LIN7A: variants seen among roughly 807,000 people sequenced by gnomAD.
LIN7A encodes the protein protein lin-7 homolog A.
A neutral mutation model predicts 29.8 loss-of-function variants in LIN7A; 25 were observed. The ratio of observed to expected loss-of-function variants is 0.84; its 90% confidence interval spans 0.61 to 1.17. LIN7A has a LOEUF of 1.17. Among genes scored for constraint, LIN7A ranks in the 50% most tolerant of loss-of-function variants. LIN7A has a pLI of 0.00. For synonymous variants in LIN7A, 118 were observed against 107.5 expected (o/e 1.10, Z -0.60); for missense variants, 239 against 287.0 (o/e 0.83, Z 1.21).
At chr12:80,842,075 C>A (rs1428947038) in intron 4 of LIN7A, 8 of 1,286,652 alleles carry the variant, frequency 6.2e-6, no homozygotes, top group Non-Finnish European at 8.1e-6. Context: ...AATTTTCTCT[C>A]CCAATGATTG....
rs1871273396 is a variant in LIN7A, at chr12:80,811,329, CTA to C, written c.*134_*135del. On this transcript the variant is annotated intron_variant, in intron 5 of 5. Transcript: ENST00000552864. ...TTGATTTTGTTTGGATTATTTAAAT[CTA>C]ATGATTTTGTTTCAGCTAAGAAAAT... The C allele has an allele frequency of 1.1e-5, 5 of 459,362 alleles. No homozygotes were observed. In the Admixed American group the frequency reaches 1.9e-4, roughly 17 times the overall value. 28.5% of individuals were successfully genotyped at this position (459,362 alleles called of 1,614,324 possible). A position where few individuals can be genotyped will look rare whatever the true frequency, so the allele number is the denominator to read the frequency against.
intron 4 of LIN7A, among the ~76,000 whole-genome samples, chr12:80,840,362 A>G (rs1395210399): frequency 1.3e-5 from 2 of 152,232 alleles, no homozygotes; most frequent in Non-Finnish European, 2.9e-5. Context: ...AGCATCAGTT[A>G]TGATTGCAGT....
At chr12:80,935,746 C>G in intron 1 of LIN7A, 1 of 487,426 alleles carries the variant, frequency 2.1e-6, no homozygotes, top group Non-Finnish European at 4.5e-6. Flanking sequence ...TCAGACTCAT[C>G]CACAGGGTAA....
At chr12:80,870,331 T>A (rs1397672086) in intron 2 of LIN7A, among the ~76,000 whole-genome samples, 1 of 152,176 alleles carries the variant, frequency 6.6e-6, no homozygotes, top group Non-Finnish European at 1.5e-5. Context: ...AAAGTGTGGA[T>A]TAAATAATAT....
At chr12:80,798,676 AT>A (rs913050329) in intron 5 of LIN7A, among the ~76,000 whole-genome samples, 6 of 151,040 alleles carry the variant, frequency 4.0e-5, no homozygotes, top group East Asian at 1.9e-4. Flanking sequence ...AGAGTTTCAC[AT>A]TTTTTTTTCA....
At chr12:80,798,601 T>C (rs145915893) in intron 5 of LIN7A, among the ~76,000 whole-genome samples, 2,100 of 152,322 alleles carry the variant, frequency 0.014, 34 homozygotes, top group African/African-American at 0.044. Context: ...ATCATCATTC[T>C]GACTACTACT....
At chr12:80,848,854 G>A (rs995594755) in intron 2 of LIN7A, among the ~76,000 whole-genome samples, 1 of 152,118 alleles carries the variant, frequency 6.6e-6, no homozygotes, top group Non-Finnish European at 1.5e-5. Context: ...AACTGCAATC[G>A]AAGGTTGAAA....
Position 80,807,073 on chromosome 12 carries a change from T to TTTTTTTTTTTTTTG in LIN7A, c.*4391_*4392insCAAAAAAAAAAAAA, listed in dbSNP as rs1555221352. Among the ~76,000 whole-genome samples, 189 of 52,636 alleles carry TTTTTTTTTTTTTTG rather than the reference T, an allele frequency of 3.6e-3. 11 individuals are homozygous for TTTTTTTTTTTTTTG. Among genetic ancestry groups the TTTTTTTTTTTTTTG allele is most frequent in the Middle Eastern group, 8.2e-3 (1 of 122 alleles). 34.5% of individuals were successfully genotyped at this position (52,636 alleles called of 152,430 possible). A position where few individuals can be genotyped will look rare whatever the true frequency, so the allele number is the denominator to read the frequency against. On this transcript the variant is annotated intron_variant, in intron 5 of 5. Transcript: ENST00000552864. ...TTTAATGAAGATGGAGTTTTTTTTT[T>TTTTTTTTTTTTTTG]TTTTTTTTTTTTTTTTTTGACGGAG...
chr12:80,815,088 G>A (rs1014531451), intron 4 of LIN7A, among the ~76,000 whole-genome samples: 13 of 148,744 alleles, frequency 8.7e-5, no homozygotes, highest in African/African-American at 3.2e-4. Flanking sequence ...ATTGTTTTCA[G>A]AAGCATATCT....
At chr12:80,879,067 C>A (rs1466612146) in intron 2 of LIN7A, among the ~76,000 whole-genome samples, 3 of 152,214 alleles carry the variant, frequency 2.0e-5, no homozygotes, top group Non-Finnish European at 2.9e-5. Context: ...CACACAGTCT[C>A]ACACAGTTAC....
At chr12:80,870,414 G>T (rs555250091) in intron 2 of LIN7A, among the ~76,000 whole-genome samples, 1 of 152,150 alleles carries the variant, frequency 6.6e-6, no homozygotes, top group African/African-American at 2.4e-5. Flanking sequence ...AAGAAGAAAG[G>T]TGAATTGTGC....
chr12:80,812,450 TAAAAAAAAA>T (rs199686456), intron 4 of LIN7A, among the ~76,000 whole-genome samples: 92,785 of 131,702 alleles, frequency 0.7, 31,637 homozygotes, highest in Non-Finnish European at 0.76. Context: ...TCAAACACTG[TAAAAAAAAA>T]AAAAAAAAAA....
chr12:80,841,446 A>G (rs1276174865), intron 4 of LIN7A, among the ~76,000 whole-genome samples: 3 of 152,226 alleles, frequency 2.0e-5, no homozygotes, highest in Non-Finnish European at 4.4e-5. Context: ...CAAGAGCTGG[A>G]CCAATCTCTT....
At chr12:80,887,017 T>A (rs1003953853) in intron 2 of LIN7A, among the ~76,000 whole-genome samples, 2 of 152,070 alleles carry the variant, frequency 1.3e-5, no homozygotes, top group Non-Finnish European at 1.5e-5. Flanking sequence ...ATCATCAACT[T>A]ACTATGTCCG....
chr12:80,924,675 C>A (rs894959317), intron 1 of LIN7A, among the ~76,000 whole-genome samples: 4 of 152,118 alleles, frequency 2.6e-5, no homozygotes, highest in African/African-American at 9.7e-5. Flanking sequence ...CCTTTCTCAG[C>A]ATTATGTGAT....
At chr12:80,905,876 A>G (rs1312965081) in intron 1 of LIN7A, among the ~76,000 whole-genome samples, 4 of 151,054 alleles carry the variant, frequency 2.6e-5, no homozygotes, top group Non-Finnish European at 5.9e-5. Flanking sequence ...TCTCTTTTTC[A>G]TAGCAGCTTA....
intron 4 of LIN7A, among the ~76,000 whole-genome samples, chr12:80,830,305 G>A (rs1872284557): frequency 6.6e-6 from 1 of 152,104 alleles, no homozygotes; most frequent in South Asian, 2.1e-4. Flanking sequence ...AAACTAAGTA[G>A]CTTCTTATAT....
intron 4 of LIN7A, among the ~76,000 whole-genome samples, chr12:80,836,563 G>T (rs1427681780): frequency 1.3e-5 from 2 of 149,022 alleles, no homozygotes; most frequent in Non-Finnish European, 3.0e-5. Flanking sequence ...GGCTGAGGTG[G>T]GAGGATTGCT....
intron 4 of LIN7A, chr12:80,832,732 C>A (rs1244202133): frequency 7.0e-6 from 3 of 425,694 alleles, no homozygotes; most frequent in Non-Finnish European, 1.4e-5. Context: ...CCATTCTATT[C>A]ATATTTATGG....
Sources: allele counts gnomAD v4.1 joint callset (sites outside exome capture counted in the v4.1 genomes callset), GRCh38; gene constraint gnomAD v4.1.1; transcripts MANE v1.5; gene names NCBI Gene and HGNC (gene_info 2026-07-23, HGNC 2026-07-21).